TDO2: variants seen among roughly 807,000 people sequenced by gnomAD.
The protein encoded by TDO2 is tryptamin 2,3-dioxygenase.
Under a neutral mutation model 61.2 loss-of-function variants are expected in TDO2, and 63 were observed. The observed-to-expected ratio is 1.03, with a 90% CI of 0.84 to 1.27. TDO2 has a LOEUF of 1.27. Ranked by LOEUF, TDO2 falls within the 50% of genes most tolerant of loss-of-function variation. The pLI is 0.00. For missense variants in TDO2, 494 were observed against 469.5 expected (o/e 1.05, Z -0.48); for synonymous variants, 183 against 164.0 (o/e 1.12, Z -0.89).
intron 7 of TDO2, among the ~76,000 whole-genome samples, chr4:155,913,643 C>T (rs547013092): frequency 6.6e-6 from 1 of 152,138 alleles, no homozygotes; most frequent in African/African-American, 2.4e-5. Flanking sequence ...ATCATCTTAG[C>T]ATGACATGTA....
chr4:155,915,145 A>G (rs1265960846), intron 8 of TDO2, among the ~76,000 whole-genome samples: 1 of 152,206 alleles, frequency 6.6e-6, no homozygotes, highest in East Asian at 1.9e-4. Flanking sequence ...CCATAAAATC[A>G]GTACTTTCAT....
chr4:155,914,087 A>G (rs1452145237), intron 7 of TDO2, among the ~76,000 whole-genome samples: 3 of 152,080 alleles, frequency 2.0e-5, no homozygotes, highest in Non-Finnish European at 4.4e-5. Flanking sequence ...ATTTATGAAG[A>G]TAATATTTAA....
Position 155,919,875 on chromosome 4 carries a change from C to T in TDO2, c.1106C>T (p.Ser369Leu). 2.5e-6 allele frequency: 4 copies of T among 1,613,582 alleles called. No individual in the cohort carries two copies. Among genetic ancestry groups the T allele is most frequent in the Non-Finnish European group, 3.4e-6 (4 of 1,179,710 alleles). Residue 369 changes from serine (S) to leucine (L), a missense_variant, in exon 12 of 12, where the codon TCA (serine) becomes TTA (leucine). Physicochemically the swap from Ser to Leu is moderately radical, Grantham distance 145 (BLOSUM62 -2). Transcript: ENST00000536354. ...GTATTTGTAGATTTATTTAATCTTT[C>T]AACATACCTGATTCCCCGACACTGG... ...YKVFVDLFNL[S>L]TYLIPRHWIP...
At chr4:155,904,475 A>G (rs776896501) in intron 2 of TDO2, among the ~76,000 whole-genome samples, 1 of 152,220 alleles carries the variant, frequency 6.6e-6, no homozygotes, top group Non-Finnish European at 1.5e-5. Flanking sequence ...ATGTATCTTG[A>G]AAAAGTTCTC....
intron 9 of TDO2, among the ~76,000 whole-genome samples, chr4:155,916,537 C>T (rs920060251): frequency 2.0e-5 from 3 of 151,820 alleles, no homozygotes; most frequent in South Asian, 2.1e-4. Context: ...TATCATTAAA[C>T]AATGCTCTAA....
rs984027358 is a variant in TDO2, at chr4:155,907,632, C to A, written c.233-90C>A. 8.8e-6 allele frequency: 7 copies of A among 797,480 alleles called. No individual in the cohort carries two copies. In the Admixed American group the frequency reaches 1.5e-4, roughly 17 times the overall value. The allele number at this position is 797,480 out of a possible 1,614,324, so 49.4% of individuals were successfully genotyped here. ...TGATTTTAAGGTAACATTTTAATTT[C>A]TCTTTCAACATGTTAAACATATCTT... On this transcript the variant is annotated intron_variant, in intron 3 of 11. Coordinates refer to ENST00000536354, the MANE Select transcript of TDO2 (RefSeq NM_005651.4).
intron 7 of TDO2, among the ~76,000 whole-genome samples, chr4:155,911,845 T>C (rs1742841530): frequency 6.6e-6 from 1 of 152,190 alleles, no homozygotes; most frequent in Admixed American, 6.5e-5. Flanking sequence ...CTGAGATTAA[T>C]ATTATTTTTC....
chr4:155,919,772 C>T lies in TDO2; in HGVS notation c.1068-65C>T. 5.8e-6 allele frequency: 8 copies of T among 1,387,070 alleles called. No individual in the cohort carries two copies. In the South Asian group the frequency reaches 1.2e-4, roughly 20 times the overall value. 85.9% of individuals were successfully genotyped at this position (1,387,070 alleles called of 1,614,324 possible). ...GGAAAATATCTGAGAAATAAATTTT[C>T]TAATTGAAAAATTTAAATATTTCAT... On this transcript the variant is annotated intron_variant, in intron 11 of 11. Transcript: ENST00000536354.
At chr4:155,917,113 C>T (rs1742955094) in intron 9 of TDO2, among the ~76,000 whole-genome samples, 1 of 152,188 alleles carries the variant, frequency 6.6e-6, no homozygotes, top group South Asian at 2.1e-4. Context: ...GCACCTGTCT[C>T]GCTTTTAATA....
At chr4:155,904,466 T>G (rs1742682371) in intron 2 of TDO2, among the ~76,000 whole-genome samples, 1 of 152,144 alleles carries the variant, frequency 6.6e-6, no homozygotes, top group African/African-American at 2.4e-5. Flanking sequence ...TAACTGCAAA[T>G]GTATCTTGAA....
intron 3 of TDO2, 57 bp downstream of exon 3, chr4:155,905,214 G>C: frequency 8.0e-7 from 1 of 1,244,530 alleles, no homozygotes; most frequent in Admixed American, 2.6e-5. Context: ...TTGATAACGA[G>C]GAAAGCTACA....
chr4:155,915,787 C>T (rs1355361996), intron 8 of TDO2, 68 bp from the exon 9 acceptor site: 8 of 1,354,128 alleles, frequency 5.9e-6, no homozygotes, highest in South Asian at 2.7e-5. Context: ...TTTAAGATGA[C>T]GATGCCAAAT....
chr4:155,914,317 C>A lies in TDO2; in HGVS notation c.727-6C>A, dbSNP rs1214669450. On this transcript the variant is annotated splice_region_variant and splice_polypyrimidine_tract_variant and intron_variant, in intron 7 of 11. Transcript: ENST00000536354. The stretch of plus-strand genomic sequence containing the variant: ...CAGGACTATTAATGCCATATTTTTC[C>A]TAAAGGCTAAAGAAGAGTCTGAAGA... 1 of 1,593,778 alleles carries A rather than the reference C, an allele frequency of 6.3e-7. No homozygotes were observed. Among genetic ancestry groups the A allele is most frequent in the South Asian group, 1.2e-5 (1 of 86,668 alleles).
intron 9 of TDO2, among the ~76,000 whole-genome samples, chr4:155,917,114 G>A (rs566530343): frequency 2.6e-5 from 4 of 152,244 alleles, no homozygotes; most frequent in South Asian, 4.1e-4. Flanking sequence ...CACCTGTCTC[G>A]CTTTTAATAA....
intron 10 of TDO2, among the ~76,000 whole-genome samples, 159 bp downstream of exon 10, chr4:155,917,633 C>A (rs1346120558): frequency 6.6e-6 from 1 of 151,922 alleles, no homozygotes; most frequent in African/African-American, 2.4e-5. Flanking sequence ...ATCACTCTCT[C>A]CCAGGGCCAA....
At chr4:155,912,801 T>A (rs974903284) in intron 7 of TDO2, among the ~76,000 whole-genome samples, 2 of 152,150 alleles carry the variant, frequency 1.3e-5, no homozygotes, top group Non-Finnish European at 2.9e-5. Context: ...AATACCTTAC[T>A]TGATATTTCC....
At chr4:155,912,830 C>T (rs1742859694) in intron 7 of TDO2, among the ~76,000 whole-genome samples, 1 of 152,084 alleles carries the variant, frequency 6.6e-6, no homozygotes, top group Admixed American at 6.6e-5. Flanking sequence ...CTCTCAAAAA[C>T]ACACCAATAA....
At chr4:155,917,562 CT>C (rs1363233802) in intron 10 of TDO2, 88 bp downstream of exon 10, 1 of 1,040,030 alleles carries the variant, frequency 9.6e-7, no homozygotes, top group Admixed American at 2.6e-5. Context: ...CTCCTGCCCA[CT>C]TTCTCTCTTT....
chr4:155,918,550 A>C (rs1742986669), intron 11 of TDO2, among the ~76,000 whole-genome samples: 1 of 152,212 alleles, frequency 6.6e-6, no homozygotes, highest in African/African-American at 2.4e-5. Context: ...TTGTGACTCA[A>C]GTTTTGACCA....
Sources: gnomAD v4.1 joint callset for allele counts (sites outside exome capture counted in the v4.1 genomes callset) on GRCh38, gnomAD v4.1.1 for gene constraint, MANE v1.5 for transcripts, NCBI Gene and HGNC (gene_info 2026-07-23, HGNC 2026-07-21) for gene names.